The following CDH13 variants were observed in gnomAD, a reference collection of about 807,000 sequenced individuals.
CDH13 encodes cadherin-13.
In CDH13, 24 loss-of-function variants were observed where a neutral mutation model predicts 63.8. The observed-to-expected ratio is 0.38, with a 90% CI of 0.27 to 0.53. The LOEUF is 0.53. Ranked by LOEUF, CDH13 falls within the 20% of genes least tolerant of loss-of-function variation. The pLI, the probability that CDH13 is intolerant of heterozygous loss-of-function variation, is 0.85. For synonymous variants in CDH13, 503 were observed against 355.3 expected (o/e 1.42, Z -4.67); for missense variants, 1,049 against 903.1 (o/e 1.16, Z -2.07).
intron 9 of CDH13, among the ~76,000 whole-genome samples, chr16:83,677,443 C>T (rs1404634475): frequency 6.6e-5 from 10 of 152,158 alleles, no homozygotes; most frequent in Admixed American, 6.5e-5. Flanking sequence ...TGCTGTCCCC[C>T]GCCCGGCAAA....
intron 3 of CDH13, among the ~76,000 whole-genome samples, chr16:83,077,158 C>CTTTCT (rs201356530): frequency 6.2e-5 from 6 of 96,624 alleles, no homozygotes; most frequent in Admixed American, 9.7e-5. Context: ...TTTTCTTTTT[C>CTTTCT]TTTCTTTTCT....
chr16:83,590,152 A>C (rs1212947455), intron 7 of CDH13, among the ~76,000 whole-genome samples: 1 of 152,196 alleles, frequency 6.6e-6, no homozygotes, highest in Non-Finnish European at 1.5e-5. Context: ...TAGCCACTGA[A>C]GGGTTTTAAG....
At chr16:83,538,787 G>A (rs75272595) in intron 7 of CDH13, among the ~76,000 whole-genome samples, 2,763 of 152,226 alleles carry the variant, frequency 0.018, 88 homozygotes, top group African/African-American at 0.062. Flanking sequence ...TATTAAACTG[G>A]AATAACCCAT....
At chr16:83,759,792 G>T (rs543693207) in intron 11 of CDH13, among the ~76,000 whole-genome samples, 2 of 152,134 alleles carry the variant, frequency 1.3e-5, no homozygotes, top group African/African-American at 4.8e-5. Flanking sequence ...TCCAAGTGGT[G>T]TGGCACACAC....
chr16:83,020,347 A>C (rs1346996586), intron 2 of CDH13, among the ~76,000 whole-genome samples: 1 of 151,994 alleles, frequency 6.6e-6, no homozygotes, highest in Non-Finnish European at 1.5e-5. Flanking sequence ...TGGCCTCTTT[A>C]ATTATTAACA....
intron 5 of CDH13, among the ~76,000 whole-genome samples, chr16:83,280,980 G>A (rs2089152755): frequency 6.6e-6 from 1 of 152,164 alleles, no homozygotes; most frequent in African/African-American, 2.4e-5. Context: ...TCCATTTATA[G>A]AGCAAGATTA....
intron 4 of CDH13, among the ~76,000 whole-genome samples, chr16:83,135,061 G>T (rs1246568013): frequency 6.6e-6 from 1 of 152,102 alleles, no homozygotes; most frequent in Non-Finnish European, 1.5e-5. Flanking sequence ...CCAGACTCAG[G>T]GTTGTTGAAG....
chr16:83,070,864 C>G (rs986920556), intron 3 of CDH13, among the ~76,000 whole-genome samples: 1 of 145,436 alleles, frequency 6.9e-6, no homozygotes, highest in Non-Finnish European at 1.5e-5. Context: ...AGCCCCCCCC[C>G]CCCCAAATAT....
chr16:83,409,963 C>T (rs542352659), intron 6 of CDH13, among the ~76,000 whole-genome samples: 1 of 152,306 alleles, frequency 6.6e-6, no homozygotes, highest in African/African-American at 2.4e-5. Flanking sequence ...TATTTTAAAG[C>T]CTCCTTAAGA....
chr16:83,572,175 G>GGTGTGTGTGT (rs71148844), intron 7 of CDH13, among the ~76,000 whole-genome samples: 22,198 of 145,376 alleles, frequency 0.15, 1,835 homozygotes, highest in Non-Finnish European at 0.19. Context: ...ACTTTCCTGT[G>GGTGTGTGTGT]GTGTGTGTGT....
At chr16:83,715,660 C>A (rs1426798067) in intron 10 of CDH13, among the ~76,000 whole-genome samples, 2 of 150,156 alleles carry the variant, frequency 1.3e-5, no homozygotes, top group African/African-American at 4.8e-5. Flanking sequence ...CGCTGACAGG[C>A]AGGCGGGTCC....
At chr16:82,896,879 C>T (rs1003510380) in intron 2 of CDH13, among the ~76,000 whole-genome samples, 1 of 140,034 alleles carries the variant, frequency 7.1e-6, no homozygotes, top group African/African-American at 2.6e-5. Flanking sequence ...CTCCCAGGTT[C>T]ACAGCATTCT....
At chr16:83,150,775 T>G (rs2151693723) in intron 4 of CDH13, among the ~76,000 whole-genome samples, 1 of 152,332 alleles carries the variant, frequency 6.6e-6, no homozygotes, top group East Asian at 1.9e-4. Flanking sequence ...AGATGCTTGA[T>G]GAGGAATGCT....
chr16:83,345,020 G>C lies in CDH13; in HGVS notation c.781+14G>C, dbSNP rs767396298. 4 of 1,612,870 alleles carry C rather than the reference G, an allele frequency of 2.5e-6. No homozygotes were observed. In the South Asian group the frequency reaches 3.3e-5, roughly 13 times the overall value. On this transcript the variant is annotated intron_variant, in intron 6 of 13. Transcript: ENST00000567109. ...GGTCACCCACAGGTATGTCACATTGGCTTACCTTTAGCGTAATGGCTTGGA... is the reference window on the plus strand; with the variant it reads ...GGTCACCCACAGGTATGTCACATTGCCTTACCTTTAGCGTAATGGCTTGGA...
At chr16:83,727,691 A>T (rs565010308) in intron 10 of CDH13, among the ~76,000 whole-genome samples, 1 of 152,296 alleles carries the variant, frequency 6.6e-6, no homozygotes, top group East Asian at 1.9e-4. Context: ...TTCAAAGGCC[A>T]AAAAAGTCTT....
Position 83,619,451 on chromosome 16 carries a change from G to A in CDH13, c.1101+16857G>A, listed in dbSNP as rs146547621. On this transcript the variant is annotated intron_variant, in intron 8 of 13. Coordinates refer to ENST00000567109, the MANE Select transcript of CDH13 (RefSeq NM_001257.5). ...GCCATAACAAGGTATTACCAGCCAT[G>A]TGGCTTCAACAACAGATGTTTATTA... 6.9e-3 allele frequency among the ~76,000 whole-genome samples: 1,045 copies of A among 152,368 alleles called. 17 individuals are homozygous for A. The highest frequency in any genetic ancestry group is 0.023 in the African/African-American group (976 of 41,594).
intron 4 of CDH13, among the ~76,000 whole-genome samples, chr16:83,130,286 C>G (rs1048114612): frequency 1.3e-5 from 2 of 152,172 alleles, no homozygotes; most frequent in Non-Finnish European, 2.9e-5. Flanking sequence ...TCAGGGGTGA[C>G]GTAACCTGTC....
intron 8 of CDH13, among the ~76,000 whole-genome samples, chr16:83,653,754 G>C (rs554969546): frequency 6.6e-6 from 1 of 152,222 alleles, no homozygotes; most frequent in East Asian, 1.9e-4. Context: ...AACAAGCTGG[G>C]TATTTGATTA....
At chr16:83,224,821 T>C (rs1053512697) in intron 5 of CDH13, among the ~76,000 whole-genome samples, 2 of 152,204 alleles carry the variant, frequency 1.3e-5, no homozygotes, top group Non-Finnish European at 2.9e-5. Context: ...TAGTGGGTGT[T>C]TATCACTCAG....
Sources: gnomAD v4.1 joint callset for allele counts (sites outside exome capture counted in the v4.1 genomes callset) on GRCh38, gnomAD v4.1.1 for gene constraint, MANE v1.5 for transcripts, NCBI Gene and HGNC (gene_info 2026-07-23, HGNC 2026-07-21) for gene names.